The following ISL1 variants were observed in gnomAD, a reference collection of about 807,000 sequenced individuals.
The protein encoded by ISL1 is ISL LIM homeobox 1.
ISL1 carries 4 observed loss-of-function variants against 35.3 expected under a neutral mutation model. That is an observed-to-expected ratio of 0.11 (90% CI 0.06 to 0.26). ISL1 has a LOEUF of 0.26. Ranked by LOEUF, ISL1 falls within the 10% of genes least tolerant of loss-of-function variation. The pLI, the probability that ISL1 is intolerant of heterozygous loss-of-function variation, is 1.00. For missense variants in ISL1, 340 were observed against 472.8 expected (o/e 0.72, Z 2.60); for synonymous variants, 186 against 172.3 (o/e 1.08, Z -0.62).
rs1747263391 is a variant in ISL1, at chr5:51,383,536, G to A, written c.-136G>A. On this transcript the variant is annotated 5_prime_UTR_variant, in exon 1 of 6. Transcript: ENST00000230658. ...ATCCGCGAGGGCGCGGCGCAGCCGA[G>A]CAGCGGCTCTTTCAGCATTGGCAAC... 3.7e-6 allele frequency: 3 copies of A among 803,750 alleles called. No individual in the cohort carries two copies. The highest frequency in any genetic ancestry group is 1.4e-5 in the South Asian group (1 of 72,588). 49.8% of individuals were successfully genotyped at this position (803,750 alleles called of 1,614,324 possible). A position where few individuals can be genotyped will look rare whatever the true frequency, so the allele number is the denominator to read the frequency against.
chr5:51,390,008 A>G (rs1258454549), intron 4 of ISL1, 76 bp downstream of exon 4: 20 of 1,520,470 alleles, frequency 1.3e-5, no homozygotes, highest in Non-Finnish European at 1.8e-5. Flanking sequence ...CCTGGTACGC[A>G]GGATCGCACG....
Position 51,394,547 on chromosome 5 carries a change from A to G in ISL1, c.*937A>G, listed in dbSNP as rs1193159869. 1 of 152,502 alleles carries G rather than the reference A, an allele frequency of 6.6e-6. No individual in the cohort carries two copies. Among genetic ancestry groups the G allele is most frequent in the Non-Finnish European group, 1.5e-5 (1 of 68,016 alleles). The allele number at this position is 152,502 out of a possible 1,614,324, so 9.4% of individuals were successfully genotyped here. On this transcript the variant is annotated 3_prime_UTR_variant, in exon 6 of 6. Transcript: ENST00000230658. The stretch of plus-strand genomic sequence containing the variant: ...GACTTGCCACTTTTCATGTCATTTG[A>G]CATTTTTTGTTTGCTGAAGTGAAAA...
chr5:51,392,580 A>G (rs1457680786), intron 5 of ISL1, among the ~76,000 whole-genome samples: 1 of 152,210 alleles, frequency 6.6e-6, no homozygotes, highest in African/African-American at 2.4e-5. Flanking sequence ...CATATTGGAA[A>G]AATTTACTGT....
chr5:51,390,112 C>T (rs1422682478), intron 4 of ISL1, among the ~76,000 whole-genome samples, 180 bp downstream of exon 4: 5 of 152,092 alleles, frequency 3.3e-5, no homozygotes, highest in Admixed American at 1.3e-4. Flanking sequence ...TACCCGGCGC[C>T]GGCCGCCAGC....
Position 51,383,499 on chromosome 5 carries a change from T to C in ISL1, c.-173T>C, listed in dbSNP as rs1287771865. ...GCTCCGCCAACTCCGCCGGCTTAAA[T>C]TGGACTCCTAGATCCGCGAGGGCGC... On this transcript the variant is annotated 5_prime_UTR_variant, in exon 1 of 6. Coordinates refer to ENST00000230658, the MANE Select transcript of ISL1 (RefSeq NM_002202.3). 11 of 667,248 alleles carry C rather than the reference T, an allele frequency of 1.6e-5. No homozygotes were observed. In the Admixed American group the frequency reaches 1.7e-4, roughly 10 times the overall value. 41.3% of individuals were successfully genotyped at this position (667,248 alleles called of 1,614,324 possible).
chr5:51,386,578 G>A (rs1198960710), intron 2 of ISL1: 1 of 455,974 alleles, frequency 2.2e-6, no homozygotes, highest in African/African-American at 2.0e-5. Flanking sequence ...AGATGGAGAA[G>A]GGGCCAGGGA....
intron 1 of ISL1, 117 bp downstream of exon 1, chr5:51,383,816 G>A: frequency 4.4e-6 from 4 of 912,986 alleles, no homozygotes; most frequent in Non-Finnish European, 7.3e-6. Context: ...CCTGGAGAAA[G>A]AGAAAAGGTG....
rs1220888195 is a variant in ISL1 at position 51,389,007 on chromosome 5, T to C, written c.479-639T>C. Reference sequence around the variant, plus strand: ...ATACTAAGAGCAGGGATTGGAGATATGGCAGAAATAGCGAATCTCTTCAGC... The same window carrying C: ...ATACTAAGAGCAGGGATTGGAGATACGGCAGAAATAGCGAATCTCTTCAGC... On this transcript the variant is annotated intron_variant, in intron 3 of 5. Transcript: ENST00000230658. The surrounding 1 kb of genome is among the most constrained non-coding windows in gnomAD (Gnocchi z 5.0). Among the ~76,000 whole-genome samples the C allele has an allele frequency of 4.6e-5, 7 of 152,182 alleles. No individual in the cohort carries two copies. The highest frequency in any genetic ancestry group is 3.3e-4 in the Admixed American group (5 of 15,280).
In ISL1 at chr5:51,387,781, G is replaced by A. The variant is rs368144122; in HGVS notation, c.478+32G>A. On this transcript the variant is annotated intron_variant, in intron 3 of 5. Coordinates refer to ENST00000230658, the MANE Select transcript of ISL1 (RefSeq NM_002202.3). The surrounding 1 kb of genome is among the most constrained non-coding windows in gnomAD (Gnocchi z 4.3). ...CTCTGCCCGGCTCGGGTAGGCAGGC[G>A]CCAGGTTAAGCCAGCCTGTGTGCCA... 5.0e-6 allele frequency: 8 copies of A among 1,610,004 alleles called. No individual in the cohort carries two copies. The East Asian group carries it at 1.3e-4, about 27-fold the overall frequency.
At position 51,387,765 on chromosome 5, in the gene ISL1, G is replaced by T. The variant is rs200305910; in HGVS notation, c.478+16G>T. On this transcript the variant is annotated intron_variant, in intron 3 of 5. Coordinates refer to ENST00000230658, the MANE Select transcript of ISL1 (RefSeq NM_002202.3). This position sits in a 1 kb window ranked among gnomAD's most constrained non-coding sequence, Gnocchi z 4.3. The stretch of plus-strand genomic sequence containing the variant: ...CAAATGGCAGGTACTCCTCTGCCCG[G>T]CTCGGGTAGGCAGGCGCCAGGTTAA... 4 of 1,613,142 alleles carry T rather than the reference G, an allele frequency of 2.5e-6. No homozygotes were observed. In the African/African-American group the frequency reaches 5.3e-5, roughly 22 times the overall value.
Position 51,393,698 on chromosome 5 carries a change from A to G in ISL1, c.*88A>G. The G allele has an allele frequency of 1.2e-6, 1 of 858,084 alleles. No homozygotes were observed. Among genetic ancestry groups the G allele is most frequent in the Admixed American group, 1.7e-5 (1 of 58,868 alleles). The allele number at this position is 858,084 out of a possible 1,614,324, so 53.2% of individuals were successfully genotyped here. On this transcript the variant is annotated 3_prime_UTR_variant, in exon 6 of 6. Coordinates refer to ENST00000230658, the MANE Select transcript of ISL1 (RefSeq NM_002202.3). ...CTGAAACAAAAGTATTTAACGACCCAGTCAATGAAAACTGAATCAAGAAAT... is the reference window on the plus strand; with the variant it reads ...CTGAAACAAAAGTATTTAACGACCCGGTCAATGAAAACTGAATCAAGAAAT...
In ISL1 at chr5:51,387,792, C is replaced by G. The variant is rs1453633127; in HGVS notation, c.478+43C>G. On this transcript the variant is annotated intron_variant, in intron 3 of 5. Transcript: ENST00000230658. This position sits in a 1 kb window ranked among gnomAD's most constrained non-coding sequence, Gnocchi z 4.3. ...TCGGGTAGGCAGGCGCCAGGTTAAG[C>G]CAGCCTGTGTGCCAGCGGCCACAAC... The G allele has an allele frequency of 1.2e-6, 2 of 1,609,438 alleles. No individual in the cohort carries two copies. Among genetic ancestry groups the G allele is most frequent in the Admixed American group, 3.4e-5 (2 of 59,666 alleles).
chr5:51,393,439 C>A, intron 5 of ISL1, 55 bp from the exon 6 acceptor site: 1 of 985,504 alleles, frequency 1.0e-6, no homozygotes, highest in Non-Finnish European at 1.6e-6. Context: ...AGTTTATAAT[C>A]TTTTTATGAA....
intron 2 of ISL1, chr5:51,386,757 A>G (rs567702091): frequency 7.8e-6 from 3 of 382,822 alleles, no homozygotes; most frequent in African/African-American, 2.1e-5. Flanking sequence ...GAGGGAACAG[A>G]CGCAGATTTT....
rs1376338698 is a variant in ISL1 at position 51,389,637 on chromosome 5, G to T, written c.479-9G>T. 3 of 1,604,768 alleles carry T rather than the reference G, an allele frequency of 1.9e-6. No individual in the cohort carries two copies. The highest frequency in any genetic ancestry group is 1.1e-5 in the South Asian group (1 of 90,764). Reference sequence around the variant, plus strand: ...CAGCCCAGCGCTCACGGCGCTCCTTGCCCCGCAGCGGAGCCCATCTCCGCC... The same window carrying T: ...CAGCCCAGCGCTCACGGCGCTCCTTTCCCCGCAGCGGAGCCCATCTCCGCC... On this transcript the variant is annotated splice_polypyrimidine_tract_variant and intron_variant, in intron 3 of 5. Coordinates refer to ENST00000230658, the MANE Select transcript of ISL1 (RefSeq NM_002202.3). The surrounding 1 kb of genome is among the most constrained non-coding windows in gnomAD (Gnocchi z 5.0).
At position 51,389,931 on chromosome 5, in the gene ISL1, C is replaced by T. The variant is rs556204417; in HGVS notation, c.764C>T (p.Thr255Ile). ...QLQQQQPNDK[T>I]NIQGMTGTPM... ...CAGCAGCAGCAGCCCAATGACAAAA[C>T]TGTGAGTGGCTCTGGGGCCGGGCAG... The change falls in exon 4 of 6, where the codon ACT (threonine) becomes ATT (isoleucine). Residue 255 changes from threonine (T) to isoleucine (I), a missense_variant and splice_region_variant. By Grantham distance (89) the Thr-to-Ile change is moderately conservative. This residue lies in a region of ISL1 where 25 missense variants were observed against 43.2 expected (regional missense o/e 0.58). Coordinates refer to ENST00000230658, the MANE Select transcript of ISL1 (RefSeq NM_002202.3). The surrounding 1 kb of genome is among the most constrained non-coding windows in gnomAD (Gnocchi z 5.0). The T allele has an allele frequency of 1.2e-6, 2 of 1,613,486 alleles. No individual in the cohort carries two copies. The highest frequency in any genetic ancestry group is 2.7e-5 in the African/African-American group (2 of 75,064).
In ISL1 at chr5:51,393,692, C is replaced by T. The variant is rs765797732; in HGVS notation, c.*82C>T. ...CGAACTCTGAAACAAAAGTATTTAA[C>T]GACCCAGTCAATGAAAACTGAATCA... is the stretch of plus-strand genomic sequence containing the variant. On this transcript the variant is annotated 3_prime_UTR_variant, in exon 6 of 6. Coordinates refer to ENST00000230658, the MANE Select transcript of ISL1 (RefSeq NM_002202.3). 1.2e-4 allele frequency: 103 copies of T among 881,216 alleles called. 1 individual carries two copies. Among genetic ancestry groups the T allele is most frequent in the African/African-American group, 3.8e-4 (23 of 60,970 alleles). The allele number at this position is 881,216 out of a possible 1,614,324, so 54.6% of individuals were successfully genotyped here. A position where few individuals can be genotyped will look rare whatever the true frequency, so the allele number is the denominator to read the frequency against.
intron 4 of ISL1, 105 bp from the exon 5 acceptor site, chr5:51,391,169 A>T: frequency 9.4e-7 from 1 of 1,060,846 alleles, no homozygotes; most frequent in Non-Finnish European, 1.4e-6. Flanking sequence ...AGACCACTAT[A>T]TAGATAAGAT....
In ISL1 at chr5:51,393,496, C is replaced by T; in HGVS notation, c.936C>T (p.Val312=). ...TTATTTCTCAACCTTCTATGCAGGT[C>T]AATTTTTCAGAAGGAGGACCGGGCT... ...DIDQPAFQQL[V]NFSEGGPGSN... Residue 312 remains valine, a splice_region_variant and synonymous_variant, in exon 6 of 6, where the codon GTC becomes GTT. Coordinates refer to ENST00000230658, the MANE Select transcript of ISL1 (RefSeq NM_002202.3). The T allele has an allele frequency of 6.3e-7, 1 of 1,597,944 alleles. No homozygotes were observed. The highest frequency in any genetic ancestry group is 8.6e-7 in the Non-Finnish European group (1 of 1,165,358).
Sources: gnomAD v4.1 joint callset for allele counts (sites outside exome capture counted in the v4.1 genomes callset) on GRCh38, gnomAD v4.1.1 for gene constraint, gnomAD v4.1.1 regional missense constraint, Gnocchi (gnomAD v3.1) non-coding constraint, MANE v1.5 for transcripts, NCBI Gene and HGNC (gene_info 2026-07-23, HGNC 2026-07-21) for gene names.